The following SEC24D variants were observed in gnomAD, a reference collection of about 807,000 sequenced individuals.
SEC24D encodes the protein SEC24 homolog D, COPII component.
SEC24D carries 69 observed loss-of-function variants against 116.9 expected under a neutral mutation model. That is an observed-to-expected ratio of 0.59 (90% CI 0.49 to 0.72). The LOEUF (loss-of-function observed/expected upper bound fraction) is 0.72. Among genes scored for constraint, SEC24D ranks in the 30% least tolerant of loss-of-function variants. The probability of loss-of-function intolerance (pLI) is 0.00; values close to 1 mark genes in which losing one functional copy is unlikely to be tolerated. For missense variants in SEC24D, 1,131 were observed against 1,264.1 expected, an observed-to-expected ratio of 0.89 and a Z score of 1.60; for synonymous variants, 405 against 442.8, an observed-to-expected ratio of 0.91 and a Z score of 1.07.
At chr4:118,751,956 A>T in intron 13 of SEC24D, 40 bp downstream of exon 13, 1 of 1,330,068 alleles carries the variant, frequency 7.5e-7, no homozygotes, top group Non-Finnish European at 1.1e-6. Flanking sequence ...CTCTGTTTTT[A>T]AAATTTATTT....
At position 118,815,587 on chromosome 4, in the gene SEC24D, ATT is replaced by A; in HGVS notation, c.535_536del (p.Asn179TrpfsTer83). Reference protein sequence around the residue: ...QVLPPPPTTLNGPGASPLPLP... With the variant: ...QVLPPPPTTLXGPGASPLPLP... Reference sequence around the variant, plus strand: ...GAGGCAAAGGTGAGGCACCAGGACCATTGAGTGTGGTGGGTGGTGGTGGAAGA... The same window carrying A: ...GAGGCAAAGGTGAGGCACCAGGACCAGAGTGTGGTGGGTGGTGGTGGAAGA... On this transcript the variant is annotated frameshift_variant, in exon 5 of 23. Transcript: ENST00000280551. LOFTEE classifies it high-confidence loss of function. 1 of 1,614,174 alleles carries A rather than the reference ATT, an allele frequency of 6.2e-7. No individual in the cohort carries two copies. Among genetic ancestry groups the A allele is most frequent in the Non-Finnish European group, 8.5e-7 (1 of 1,180,014 alleles).
At chr4:118,821,530 C>T (rs1049122136) in intron 3 of SEC24D, among the ~76,000 whole-genome samples, 1 of 151,534 alleles carries the variant, frequency 6.6e-6, no homozygotes, top group Admixed American at 6.6e-5. Context: ...TTTTATAAAA[C>T]ATTATATTTA....
chr4:118,823,059 T>C (rs115233595), intron 3 of SEC24D, among the ~76,000 whole-genome samples: 6,657 of 152,258 alleles, frequency 0.044, 201 homozygotes, highest in Non-Finnish European at 0.064. Flanking sequence ...ACAGGCATGG[T>C]CAAGGAACTT....
At chr4:118,769,504 C>T (rs773997900) in intron 8 of SEC24D, among the ~76,000 whole-genome samples, 2 of 152,078 alleles carry the variant, frequency 1.3e-5, no homozygotes, top group South Asian at 2.1e-4. Context: ...TGCTTTTGAA[C>T]GGAGGCCTGA....
At chr4:118,805,572 C>CT (rs1729638874) in intron 7 of SEC24D, among the ~76,000 whole-genome samples, 1 of 152,156 alleles carries the variant, frequency 6.6e-6, no homozygotes, top group South Asian at 2.1e-4. Context: ...AGGGTATAAA[C>CT]TAATTTAAAC....
At chr4:118,810,074 CTGTGTGTGTGTGTGTGTGTGTGTGTG>C (rs71595321) in intron 6 of SEC24D, among the ~76,000 whole-genome samples, 6 of 38,594 alleles carry the variant, frequency 1.6e-4, no homozygotes, top group African/African-American at 4.1e-4. Context: ...TCAGAGGTAG[CTGTGTGTGTGTGTGTGTGTGTGTGTG>C]TGTGTGTGTG....
chr4:118,815,212 C>A, intron 5 of SEC24D, 57 bp from the exon 6 acceptor site: 1 of 1,596,424 alleles, frequency 6.3e-7, no homozygotes, highest in South Asian at 1.1e-5. Context: ...GCATGTAAGA[C>A]TTGTTGACGA....
intron 6 of SEC24D, among the ~76,000 whole-genome samples, chr4:118,811,294 A>G (rs567451436): frequency 3.0e-4 from 45 of 152,320 alleles, no homozygotes; most frequent in African/African-American, 1.0e-3. Context: ...TAGGATATTT[A>G]TATTCTGACG....
chr4:118,728,745 AT>A (rs1021406283), intron 21 of SEC24D, 95 bp from the exon 22 acceptor site: 1 of 745,814 alleles, frequency 1.3e-6, no homozygotes, highest in East Asian at 2.8e-5. Context: ...ACATAAAACC[AT>A]GTACTTGAAC....
chr4:118,743,356 T>TACAC (rs34621125), intron 15 of SEC24D, among the ~76,000 whole-genome samples: 26 of 143,160 alleles, frequency 1.8e-4, no homozygotes, highest in African/African-American at 5.6e-4. Flanking sequence ...TATATATATA[T>TACAC]ACACACACAC....
At chr4:118,821,465 A>G (rs1730400760) in intron 3 of SEC24D, among the ~76,000 whole-genome samples, 1 of 152,206 alleles carries the variant, frequency 6.6e-6, no homozygotes, top group Admixed American at 6.5e-5. Context: ...AGTTTAAGAC[A>G]TTTATTCTTC....
At chr4:118,824,948 G>T (rs151131922) in intron 2 of SEC24D, among the ~76,000 whole-genome samples, 199 bp from the exon 3 acceptor site, 112 of 152,248 alleles carry the variant, frequency 7.4e-4, no homozygotes, top group Admixed American at 5.9e-3. Flanking sequence ...TCATAATGAT[G>T]AAAGAGCAGA....
intron 3 of SEC24D, among the ~76,000 whole-genome samples, chr4:118,820,170 T>C (rs1389052127): frequency 6.6e-6 from 1 of 151,076 alleles, no homozygotes; most frequent in Admixed American, 6.6e-5. Context: ...ACATACAAAT[T>C]AGTTTAATTT....
chr4:118,727,362 C>A (rs902610003), intron 22 of SEC24D, among the ~76,000 whole-genome samples: 2 of 152,112 alleles, frequency 1.3e-5, no homozygotes, highest in Admixed American at 1.3e-4. Context: ...GGTTTTATAA[C>A]CAAAGCTGAC....
chr4:118,831,249 A>T (rs1339829660), intron 2 of SEC24D, among the ~76,000 whole-genome samples: 1 of 152,162 alleles, frequency 6.6e-6, no homozygotes, highest in Non-Finnish European at 1.5e-5. Flanking sequence ...GGCTGGTCTC[A>T]AACTCCGGGC....
intron 8 of SEC24D, among the ~76,000 whole-genome samples, chr4:118,787,477 A>G (rs900234875): frequency 1.3e-5 from 2 of 152,230 alleles, no homozygotes; most frequent in Admixed American, 1.3e-4. Flanking sequence ...TAGGCTATAC[A>G]TGAAAATGCA....
chr4:118,752,387 T>C (rs1386038880), intron 12 of SEC24D, among the ~76,000 whole-genome samples: 1 of 152,198 alleles, frequency 6.6e-6, no homozygotes, highest in East Asian at 1.9e-4. Context: ...ATTACCATCA[T>C]CATTGAATAC....
At chr4:118,765,063 C>G (rs1727577394) in intron 9 of SEC24D, 146 bp from the exon 10 acceptor site, 3 of 556,058 alleles carry the variant, frequency 5.4e-6, no homozygotes, top group Non-Finnish European at 9.6e-6. Flanking sequence ...CCGTAAATAC[C>G]TACTATTTTA....
At chr4:118,804,115 G>A (rs189998927) in intron 7 of SEC24D, among the ~76,000 whole-genome samples, 46 of 152,198 alleles carry the variant, frequency 3.0e-4, no homozygotes, top group African/African-American at 9.6e-4. Context: ...ATGTGATACG[G>A]GTGAAATATA....
Sources: gnomAD v4.1 joint callset for allele counts (sites outside exome capture counted in the v4.1 genomes callset) on GRCh38, gnomAD v4.1.1 for gene constraint, MANE v1.5 for transcripts, NCBI Gene and HGNC (gene_info 2026-07-23, HGNC 2026-07-21) for gene names.